The following GPAT4 variants were observed in gnomAD, a reference collection of about 807,000 sequenced individuals.
The protein encoded by GPAT4 is glycerol-3-phosphate acyltransferase 4.
GPAT4 carries 17 observed loss-of-function variants against 58.0 expected under a neutral mutation model. That is an observed-to-expected ratio of 0.29 (90% CI 0.20 to 0.44). The LOEUF (loss-of-function observed/expected upper bound fraction) is 0.44, where lower values mean the gene tolerates loss of function less well. Among genes scored for constraint, GPAT4 ranks in the 20% least tolerant of loss-of-function variants. The pLI is 1.00. For synonymous variants in GPAT4, 204 were observed against 210.1 expected, an observed-to-expected ratio of 0.97 and a Z score of 0.25; for missense variants, 377 against 574.5, an observed-to-expected ratio of 0.66 and a Z score of 3.51.
intron 1 of GPAT4, among the ~76,000 whole-genome samples, chr8:41,592,442 G>A (rs1173372058): frequency 2.0e-5 from 3 of 152,142 alleles, no homozygotes; most frequent in Non-Finnish European, 2.9e-5. Flanking sequence ...GTTGTCCTAC[G>A]GGGTGAGTGA....
intron 1 of GPAT4, among the ~76,000 whole-genome samples, chr8:41,583,173 A>G (rs1802567945): frequency 6.6e-6 from 1 of 152,034 alleles, no homozygotes; most frequent in Non-Finnish European, 1.5e-5. Flanking sequence ...TGCAGTGAGC[A>G]GAGATCGCAC....
intron 9 of GPAT4, 78 bp downstream of exon 9, chr8:41,614,519 G>A: frequency 7.0e-7 from 1 of 1,420,990 alleles, no homozygotes; most frequent in East Asian, 2.3e-5. Context: ...TGGGAACCAA[G>A]GCCCTCAGCC....
At chr8:41,585,202 A>G (rs752365863) in intron 1 of GPAT4, among the ~76,000 whole-genome samples, 2 of 152,220 alleles carry the variant, frequency 1.3e-5, no homozygotes, top group African/African-American at 4.8e-5. Flanking sequence ...GTTTGTTTAC[A>G]TTACAGTTGG....
chr8:41,595,540 T>A (rs1391446167), intron 1 of GPAT4, among the ~76,000 whole-genome samples: 1 of 152,170 alleles, frequency 6.6e-6, no homozygotes, highest in Non-Finnish European at 1.5e-5. Flanking sequence ...CTCAGTGCTT[T>A]CGGGCTAAGC....
At chr8:41,607,896 T>G (rs1049861463) in intron 2 of GPAT4, among the ~76,000 whole-genome samples, 1 of 152,204 alleles carries the variant, frequency 6.6e-6, no homozygotes, top group African/African-American at 2.4e-5. Flanking sequence ...TGTAGAACCC[T>G]AAATTCTGGT....
chr8:41,581,717 C>T (rs1802514516), intron 1 of GPAT4, among the ~76,000 whole-genome samples: 1 of 151,004 alleles, frequency 6.6e-6, no homozygotes, highest in Admixed American at 6.6e-5. Context: ...CAAGCTCCGC[C>T]TCCCGGGTTC....
At chr8:41,595,325 CTTTTTTTTTT>C (rs61465079) in intron 1 of GPAT4, among the ~76,000 whole-genome samples, 4 of 73,812 alleles carry the variant, frequency 5.4e-5, no homozygotes, top group East Asian at 3.9e-4. Context: ...TTAAATCTTC[CTTTTTTTTTT>C]TTTTTTTTTT....
chr8:41,581,822 A>G (rs913455079), intron 1 of GPAT4, among the ~76,000 whole-genome samples: 1 of 145,572 alleles, frequency 6.9e-6, no homozygotes, highest in Non-Finnish European at 1.5e-5. Flanking sequence ...TTTAGTAGAG[A>G]CAGGGTTTCA....
At chr8:41,614,309 A>T in intron 8 of GPAT4, 77 bp from the exon 9 acceptor site, 1 of 1,276,624 alleles carries the variant, frequency 7.8e-7, no homozygotes, top group Non-Finnish European at 1.1e-6. Context: ...GTCACAAATA[A>T]ATAGGTTATT....
At chr8:41,600,056 G>A (rs1321733228) in intron 2 of GPAT4, among the ~76,000 whole-genome samples, 5 of 29,184 alleles carry the variant, frequency 1.7e-4, no homozygotes, top group Non-Finnish European at 3.2e-4. Context: ...TTTTTTTTTC[G>A]AGACAAGAGT....
intron 1 of GPAT4, among the ~76,000 whole-genome samples, chr8:41,585,715 G>A (rs1802634703): frequency 6.6e-6 from 1 of 152,220 alleles, no homozygotes; most frequent in Admixed American, 6.5e-5. Flanking sequence ...AGGTAGGGGA[G>A]GCTGGTTTTG....
intron 4 of GPAT4, 130 bp from the exon 5 acceptor site, chr8:41,610,606 C>T (rs1803413095): frequency 1.3e-6 from 2 of 1,539,594 alleles, no homozygotes; most frequent in South Asian, 2.4e-5. Flanking sequence ...TAGGTGAACT[C>T]TGGTCCAGGT....
intron 2 of GPAT4, among the ~76,000 whole-genome samples, chr8:41,605,595 G>A (rs1803240160): frequency 6.6e-6 from 1 of 151,868 alleles, no homozygotes; most frequent in Non-Finnish European, 1.5e-5. Flanking sequence ...TGTTTTTTGA[G>A]ACAGAGTCTC....
At chr8:41,589,129 A>G (rs1231295937) in intron 1 of GPAT4, among the ~76,000 whole-genome samples, 2 of 152,242 alleles carry the variant, frequency 1.3e-5, no homozygotes, top group African/African-American at 2.4e-5. Context: ...ATTTCTAGAC[A>G]TCAAAGTCTG....
chr8:41,620,556 A>T (rs1803719537), intron 12 of GPAT4, among the ~76,000 whole-genome samples: 1 of 152,222 alleles, frequency 6.6e-6, no homozygotes, highest in African/African-American at 2.4e-5. Flanking sequence ...ACCTTCCATA[A>T]TGCCAGAATT....
At chr8:41,614,662 C>G (rs1803543756) in intron 9 of GPAT4, among the ~76,000 whole-genome samples, 1 of 152,228 alleles carries the variant, frequency 6.6e-6, no homozygotes, top group South Asian at 2.1e-4. Context: ...GCAGGAATTT[C>G]TTCTGTAATG....
chr8:41,606,916 T>C (rs1460057279), intron 2 of GPAT4, among the ~76,000 whole-genome samples: 1 of 152,230 alleles, frequency 6.6e-6, no homozygotes, highest in Non-Finnish European at 1.5e-5. Flanking sequence ...AGAAAGTCTA[T>C]TTGCATCTGT....
At chr8:41,610,408 G>T (rs1354877608) in intron 4 of GPAT4, 3 of 1,246,310 alleles carry the variant, frequency 2.4e-6, no homozygotes, top group Non-Finnish European at 3.0e-6. Flanking sequence ...CTTCCACCGG[G>T]GTTTCCAGCC....
At chr8:41,615,910 G>T (rs1462518905) in intron 10 of GPAT4, among the ~76,000 whole-genome samples, 1 of 152,198 alleles carries the variant, frequency 6.6e-6, no homozygotes, top group Non-Finnish European at 1.5e-5. Flanking sequence ...GTTGCTCCTG[G>T]TGAGGCCGAT....
Sources: gnomAD v4.1 joint callset for allele counts (sites outside exome capture counted in the v4.1 genomes callset) on GRCh38, gnomAD v4.1.1 for gene constraint, MANE v1.5 for transcripts, NCBI Gene and HGNC (gene_info 2026-07-23, HGNC 2026-07-21) for gene names.